Variants in ABHD3 observed in about 807,000 individuals in gnomAD.
The protein encoded by ABHD3 is abhydrolase domain containing 3, phospholipase, also known as phospholipase ABHD3.
A neutral mutation model predicts 48.8 loss-of-function variants in ABHD3; 46 were observed. The observed-to-expected ratio is 0.94, with a 90% CI of 0.74 to 1.20. The LOEUF (loss-of-function observed/expected upper bound fraction) is 1.20. Among genes scored for constraint, ABHD3 ranks in the 50% most tolerant of loss-of-function variants. The probability of loss-of-function intolerance (pLI) is 0.00; values close to 1 mark genes in which losing one functional copy is unlikely to be tolerated. For synonymous variants in ABHD3, 192 were observed against 183.7 expected (o/e 1.04, Z -0.36); for missense variants, 490 against 497.8 (o/e 0.98, Z 0.15).
chr18:21,704,659 G>T lies in ABHD3; in HGVS notation c.7C>A (p.Arg3Ser). MQ[R>S]LAMDLRMLSR... Reference sequence around the variant, plus strand: ...AACATCCGCAGGTCCATGGCCAGGCGCTGCATGGCCCCCGAGCGCGGCGCG... The same window carrying T: ...AACATCCGCAGGTCCATGGCCAGGCTCTGCATGGCCCCCGAGCGCGGCGCG... Residue 3 changes from arginine (R) to serine (S), a missense_variant, in exon 1 of 9, where the codon CGC becomes AGC. Transcript: ENST00000289119. 6.6e-7 allele frequency: 1 copy of T among 1,507,322 alleles called. No individual in the cohort carries two copies. 93.4% of individuals were successfully genotyped at this position (1,507,322 alleles called of 1,614,324 possible).
intron 3 of ABHD3, among the ~76,000 whole-genome samples, chr18:21,691,434 C>T (rs1334372171): frequency 1.3e-5 from 2 of 152,182 alleles, no homozygotes; most frequent in African/African-American, 4.8e-5. Flanking sequence ...CAAGAGAATA[C>T]ACATTCTTTT....
At chr18:21,656,020 A>G (rs1303210303) in intron 8 of ABHD3, among the ~76,000 whole-genome samples, 78 of 141,526 alleles carry the variant, frequency 5.5e-4, no homozygotes, top group Middle Eastern at 4.5e-3. Context: ...GCCAGGCATG[A>G]TGGCGGGTGC....
Position 21,656,846 on chromosome 18 carries a change from ATATGT to A in ABHD3, c.1057+10_1057+14del, listed in dbSNP as rs771458113. 1.9e-6 allele frequency: 3 copies of A among 1,567,926 alleles called. No homozygotes were observed. On this transcript the variant is annotated intron_variant, in intron 8 of 8. Coordinates refer to ENST00000289119, the MANE Select transcript of ABHD3 (RefSeq NM_138340.5). ...TTGATTCATGTCAAAATATATACAA[ATATGT>A]TAATTTTACCATGACTGGGTGAGAA...
chr18:21,659,623 G>T (rs1001101975), intron 5 of ABHD3, among the ~76,000 whole-genome samples: 1 of 151,798 alleles, frequency 6.6e-6, no homozygotes, highest in Non-Finnish European at 1.5e-5. Context: ...CCCTAAGAGT[G>T]GTTTTTAGAT....
chr18:21,703,581 T>C lies in ABHD3; in HGVS notation c.326+3A>G. 6.3e-7 allele frequency: 1 copy of C among 1,588,678 alleles called. No homozygotes were observed. Among genetic ancestry groups the C allele is most frequent in the Non-Finnish European group, 8.6e-7 (1 of 1,161,694 alleles). On this transcript the variant is annotated splice_donor_region_variant and intron_variant, in intron 2 of 8. Coordinates refer to ENST00000289119, the MANE Select transcript of ABHD3 (RefSeq NM_138340.5). ...AAATGACTGAAAACGGAAATTCACT[T>C]ACTTCCTGTACTGCACCGGGGGCTT...
In ABHD3 at chr18:21,667,234, CTTTTTTTTTTT is replaced by C. The variant is rs745430805; in HGVS notation, c.556-3015_556-3005del. ...GATTACAGGCGCCCACCACCACACC[CTTTTTTTTTTT>C]TTTTTTTTTTTTTTTTGAGACGGAG... On this transcript the variant is annotated intron_variant, in intron 4 of 8. Coordinates refer to ENST00000289119, the MANE Select transcript of ABHD3 (RefSeq NM_138340.5). Among the ~76,000 whole-genome samples, 128 of 81,486 alleles carry C rather than the reference CTTTTTTTTTTT, an allele frequency of 1.6e-3. 2 individuals carry two copies. Among genetic ancestry groups the C allele is most frequent in the Non-Finnish European group, 1.9e-3 (89 of 45,868 alleles). 53.5% of individuals were successfully genotyped at this position (81,486 alleles called of 152,430 possible). A position where few individuals can be genotyped will look rare whatever the true frequency, so the allele number is the denominator to read the frequency against.
chr18:21,692,157 C>T (rs140260275), intron 3 of ABHD3, among the ~76,000 whole-genome samples: 1 of 152,134 alleles, frequency 6.6e-6, no homozygotes, highest in Non-Finnish European at 1.5e-5. Context: ...ACCATGTCGG[C>T]CAGGCTGGTC....
At chr18:21,701,147 TTAAAA>T (rs1326086173) in intron 3 of ABHD3, 1 of 152,112 alleles carries the variant, frequency 6.6e-6, no homozygotes, top group Non-Finnish European at 1.5e-5. Context: ...AATTAACTTG[TTAAAA>T]TTAAGTTAGC....
chr18:21,671,852 G>T (rs79854329), intron 4 of ABHD3, among the ~76,000 whole-genome samples: 1 of 151,950 alleles, frequency 6.6e-6, no homozygotes, highest in East Asian at 1.9e-4. Context: ...GCTCAGGCTG[G>T]TCTCAAACTC....
At chr18:21,651,814 A>G in intron 8 of ABHD3, 51 bp from the exon 9 acceptor site, 1 of 1,463,634 alleles carries the variant, frequency 6.8e-7, no homozygotes, top group Non-Finnish European at 9.1e-7. Flanking sequence ...AGAGAGAAAA[A>G]TATAATCATT....
chr18:21,665,777 A>C (rs1480029212), intron 4 of ABHD3, among the ~76,000 whole-genome samples: 2 of 150,632 alleles, frequency 1.3e-5, no homozygotes, highest in Non-Finnish European at 3.0e-5. Context: ...ACGCCACTGC[A>C]CTCCAGTCTG....
intron 4 of ABHD3, among the ~76,000 whole-genome samples, chr18:21,677,295 C>T (rs553982208): frequency 1.3e-4 from 19 of 151,936 alleles, no homozygotes; most frequent in Admixed American, 1.1e-3. Context: ...CCTGGGTTCA[C>T]GCCATTCTCC....
At chr18:21,690,683 TCAGA>T (rs2040230930) in intron 3 of ABHD3, among the ~76,000 whole-genome samples, 1 of 128,766 alleles carries the variant, frequency 7.8e-6, no homozygotes, top group South Asian at 2.3e-4. Context: ...ATGGAGATTG[TCAGA>T]CAGGATTTAA....
At chr18:21,659,128 C>A (rs112413414) in intron 6 of ABHD3, 42 bp downstream of exon 6, 2 of 1,581,204 alleles carry the variant, frequency 1.3e-6, no homozygotes, top group Admixed American at 1.8e-5. Flanking sequence ...CGTGAGCCAC[C>A]GGGCCCGGCC....
At chr18:21,696,917 A>G (rs182985114) in intron 3 of ABHD3, among the ~76,000 whole-genome samples, 19 of 152,096 alleles carry the variant, frequency 1.2e-4, no homozygotes, top group Admixed American at 9.8e-4. Flanking sequence ...GGTAGACATA[A>G]CTGATTAATA....
At chr18:21,659,825 C>T (rs1317104628) in intron 5 of ABHD3, among the ~76,000 whole-genome samples, 14 of 152,046 alleles carry the variant, frequency 9.2e-5, no homozygotes, top group South Asian at 2.1e-4. Context: ...TGCATCACCA[C>T]GCCCCGGTAA....
intron 8 of ABHD3, among the ~76,000 whole-genome samples, chr18:21,655,802 C>G (rs1031863603): frequency 6.7e-6 from 1 of 149,190 alleles, no homozygotes; most frequent in Non-Finnish European, 1.5e-5. Context: ...TGCACTCCAG[C>G]CTGGGTGGCA....
chr18:21,653,077 A>AAAAAAC (rs772523934), intron 8 of ABHD3, among the ~76,000 whole-genome samples: 1 of 76,156 alleles, frequency 1.3e-5, no homozygotes, highest in Non-Finnish European at 2.3e-5. Context: ...AAAAAAAAAA[A>AAAAAAC]AAAGAGCTGG....
chr18:21,699,841 C>G (rs577456977), intron 3 of ABHD3, among the ~76,000 whole-genome samples: 1 of 152,062 alleles, frequency 6.6e-6, no homozygotes, highest in South Asian at 2.1e-4. Flanking sequence ...CCATGCCTGG[C>G]TAATTTTTGT....
Sources: gnomAD v4.1 joint callset for allele counts (sites outside exome capture counted in the v4.1 genomes callset) on GRCh38, gnomAD v4.1.1 for gene constraint, MANE v1.5 for transcripts, NCBI Gene and HGNC (gene_info 2026-07-23, HGNC 2026-07-21) for gene names.